Variants in MED27 observed in about 807,000 individuals in gnomAD.
MED27 encodes mediator of RNA polymerase II transcription subunit 27.
Under a neutral mutation model 38.2 loss-of-function variants are expected in MED27, and 30 were observed. The observed-to-expected ratio is 0.79, with a 90% CI of 0.59 to 1.07. The LOEUF is 1.07. Among genes scored for constraint, MED27 ranks in the 50% least tolerant of loss-of-function variants. The pLI, the probability that MED27 is intolerant of heterozygous loss-of-function variation, is 0.00. For missense variants in MED27, 289 were observed against 397.5 expected (o/e 0.73, Z 2.32); for synonymous variants, 122 against 153.5 (o/e 0.79, Z 1.52).
intron 2 of MED27, among the ~76,000 whole-genome samples, chr9:132,046,724 C>T (rs61159131): frequency 0.028 from 4,302 of 152,178 alleles, 176 homozygotes; most frequent in African/African-American, 0.085. Context: ...AGAGAAATTT[C>T]CTTTCCAGTT....
chr9:131,908,071 G>A (rs1321946337), intron 4 of MED27, among the ~76,000 whole-genome samples: 21 of 145,772 alleles, frequency 1.4e-4, no homozygotes, highest in African/African-American at 4.9e-4. Context: ...GCAGCCACCC[G>A]GTCTGGGAAG....
At chr9:131,998,107 T>G (rs556475916) in intron 3 of MED27, among the ~76,000 whole-genome samples, 1 of 151,692 alleles carries the variant, frequency 6.6e-6, no homozygotes, top group Non-Finnish European at 1.5e-5. Flanking sequence ...GCTGAAACCA[T>G]CCCCTCCATT....
intron 3 of MED27, among the ~76,000 whole-genome samples, chr9:131,952,989 C>T (rs1831028904): frequency 6.6e-6 from 1 of 152,170 alleles, no homozygotes; most frequent in Non-Finnish European, 1.5e-5. Context: ...TAAAACCAAC[C>T]CTGCTAGAGT....
chr9:131,963,559 G>A lies in MED27; in HGVS notation c.480-24085C>T, dbSNP rs554380958. ...TCCCCTCATTTGTCCACCACTGCTG[G>A]AGAATGTGCCCTTTCTCATTAGCAA... is the stretch of plus-strand genomic sequence containing the variant. On this transcript the variant is annotated intron_variant, in intron 3 of 7. Coordinates refer to ENST00000292035, the MANE Select transcript of MED27 (RefSeq NM_004269.4). Among the ~76,000 whole-genome samples, 5 of 152,266 alleles carry A rather than the reference G, an allele frequency of 3.3e-5. No homozygotes were observed. The East Asian group carries it at 9.7e-4, about 29-fold the overall frequency.
chr9:131,929,514 G>A (rs553131858), intron 4 of MED27, among the ~76,000 whole-genome samples: 60 of 152,242 alleles, frequency 3.9e-4, no homozygotes, highest in African/African-American at 1.2e-3. Flanking sequence ...AGTCTCAGGC[G>A]TGGCAGCATT....
chr9:131,998,040 A>T (rs1832131225), intron 3 of MED27, among the ~76,000 whole-genome samples: 1 of 152,184 alleles, frequency 6.6e-6, no homozygotes, highest in Non-Finnish European at 1.5e-5. Flanking sequence ...CTAACAGGGC[A>T]GAGTTCCAGG....
intron 2 of MED27, among the ~76,000 whole-genome samples, chr9:132,062,616 ATTT>A (rs10712445): frequency 4.8e-5 from 7 of 145,246 alleles, no homozygotes; most frequent in Non-Finnish European, 7.5e-5. Flanking sequence ...TCATCAATAC[ATTT>A]TTTTTTTTTT....
chr9:131,979,053 G>A (rs1831674891), intron 3 of MED27, among the ~76,000 whole-genome samples: 1 of 152,142 alleles, frequency 6.6e-6, no homozygotes, highest in Non-Finnish European at 1.5e-5. Flanking sequence ...CAACTACCTG[G>A]TGACAATTTG....
At chr9:132,041,671 G>A (rs1207731289) in intron 2 of MED27, among the ~76,000 whole-genome samples, 1 of 152,202 alleles carries the variant, frequency 6.6e-6, no homozygotes, top group Non-Finnish European at 1.5e-5. Flanking sequence ...AAATGAAAGA[G>A]ATTACTTTTT....
intron 2 of MED27, among the ~76,000 whole-genome samples, chr9:132,075,824 C>T (rs1050285001): frequency 1.3e-5 from 2 of 150,806 alleles, no homozygotes; most frequent in Non-Finnish European, 3.0e-5. Flanking sequence ...CTGGAACAGT[C>T]CCACGTCTGG....
At chr9:131,938,638 A>G (rs556804764) in intron 4 of MED27, among the ~76,000 whole-genome samples, 3 of 152,356 alleles carry the variant, frequency 2.0e-5, no homozygotes, top group South Asian at 4.1e-4. Context: ...CAGCAAAACC[A>G]GAAGTCATCA....
intron 3 of MED27, among the ~76,000 whole-genome samples, chr9:131,973,768 C>T (rs915969632): frequency 3.3e-5 from 5 of 152,194 alleles, no homozygotes; most frequent in Admixed American, 6.5e-5. Flanking sequence ...AGTGCAGTGG[C>T]GTGATCTTGG....
intron 4 of MED27, among the ~76,000 whole-genome samples, chr9:131,934,822 A>C (rs1279857984): frequency 1.3e-5 from 2 of 152,216 alleles, no homozygotes; most frequent in African/African-American, 4.8e-5. Context: ...GGTGTCCATC[A>C]AGAGGTGAGT....
intron 2 of MED27, chr9:132,073,569 C>T: frequency 1.4e-6 from 2 of 1,383,980 alleles, no homozygotes; most frequent in African/African-American, 1.5e-5. Context: ...CCTGTTAGTT[C>T]CATGATGCAA....
intron 4 of MED27, among the ~76,000 whole-genome samples, chr9:131,923,760 A>G (rs188699447): frequency 2.0e-5 from 3 of 152,120 alleles, no homozygotes; most frequent in Admixed American, 2.0e-4. Context: ...CCCACCCATA[A>G]CCAATTTCTC....
At chr9:131,966,383 C>CACAAAAAAAAAAAAAAAAA (rs1554761550) in intron 3 of MED27, among the ~76,000 whole-genome samples, 1 of 36,776 alleles carries the variant, frequency 2.7e-5, no homozygotes, top group South Asian at 1.2e-3. Flanking sequence ...GACCCTGTCA[C>CACAAAAAAAAAAAAAAAAA]AAAAAAAAAA....
At position 132,079,755 on chromosome 9, in the gene MED27, C is replaced by G. The variant is rs780977592; in HGVS notation, c.90G>C (p.Arg30Ser). 6.2e-7 allele frequency: 1 copy of G among 1,614,018 alleles called. No homozygotes were observed. Among genetic ancestry groups the G allele is most frequent in the Non-Finnish European group, 8.5e-7 (1 of 1,180,008 alleles). Residue 30 changes from arginine (R) to serine (S), a missense_variant, in exon 1 of 8, where the codon AGG (arginine) becomes AGC (serine). By Grantham distance (110) the Arg-to-Ser change is moderately radical. Coordinates refer to ENST00000292035, the MANE Select transcript of MED27 (RefSeq NM_004269.4). ...AIQALRSSVS[R>S]VFDCLKDGMR... Reference sequence around the variant, plus strand: ...TCCCATCCTTCAGGCAGTCGAACACCCTGCTCACGCTGGAGCGCAGCGCCT... The same window carrying G: ...TCCCATCCTTCAGGCAGTCGAACACGCTGCTCACGCTGGAGCGCAGCGCCT...
At chr9:131,908,858 C>T (rs974250521) in intron 4 of MED27, among the ~76,000 whole-genome samples, 3 of 146,086 alleles carry the variant, frequency 2.1e-5, no homozygotes, top group African/African-American at 5.0e-5. Context: ...GCGAGAAACA[C>T]CCAAGAATGA....
At chr9:132,017,078 C>T (rs1832619371) in intron 2 of MED27, among the ~76,000 whole-genome samples, 1 of 152,024 alleles carries the variant, frequency 6.6e-6, no homozygotes, top group South Asian at 2.1e-4. Flanking sequence ...TCCCAGTTTC[C>T]AGGAACACGG....
Sources: gnomAD v4.1 joint callset for allele counts (sites outside exome capture counted in the v4.1 genomes callset) on GRCh38, gnomAD v4.1.1 for gene constraint, MANE v1.5 for transcripts, NCBI Gene and HGNC (gene_info 2026-07-23, HGNC 2026-07-21) for gene names.